The following UBTF variants were observed in gnomAD, a reference collection of about 807,000 sequenced individuals.
The protein encoded by UBTF is nucleolar transcription factor 1.
Under a neutral mutation model 112.3 loss-of-function variants are expected in UBTF, and 8 were observed. The ratio of observed to expected loss-of-function variants is 0.07; its 90% CI spans 0.04 to 0.13. The LOEUF is 0.13. Ranked by LOEUF, UBTF falls within the 10% of genes least tolerant of loss-of-function variation. The probability of loss-of-function intolerance (pLI) is 1.00; values close to 1 mark genes in which losing one functional copy is unlikely to be tolerated. For missense variants in UBTF, 457 were observed against 982.1 expected, an observed-to-expected ratio of 0.47 and a Z score of 7.15; for synonymous variants, 417 against 373.1, an observed-to-expected ratio of 1.12 and a Z score of -1.36.
intron 1 of UBTF, 60 bp downstream of exon 1, chr17:44,219,385 G>A (rs1567812894): frequency 2.0e-5 from 3 of 151,496 alleles, no homozygotes; most frequent in Admixed American, 2.0e-4. Context: ...ACCGCACCCC[G>A]CGGTTCGCTC....
rs781698378 is a variant in UBTF at position 44,210,387 on chromosome 17, G to A, written c.1446C>T (p.Pro482=). The A allele has an allele frequency of 3.5e-5, 56 of 1,614,058 alleles. No homozygotes were observed. The Admixed American group carries it at 3.8e-4, about 11-fold the overall frequency. Residue 482 remains proline, a synonymous_variant, in exon 14 of 21, where the codon CCC becomes CCT. Transcript: ENST00000436088. ...TCTCCTCAGCTCTTTTGGGGGACTC[G>A]GGCAGCTTGCCCCGTTCCTCGCGCT... ...GGEREERGKL[P]ESPKRAEEIW...
At position 44,207,116 on chromosome 17, in the gene UBTF, A is replaced by G; in HGVS notation, c.*126T>C. The G allele has an allele frequency of 6.9e-6, 6 of 872,708 alleles. No homozygotes were observed. Among genetic ancestry groups the G allele is most frequent in the Non-Finnish European group, 1.0e-5 (6 of 598,546 alleles). 54.1% of individuals were successfully genotyped at this position (872,708 alleles called of 1,614,324 possible). A position where few individuals can be genotyped will look rare whatever the true frequency, so the allele number is the denominator to read the frequency against. On this transcript the variant is annotated 3_prime_UTR_variant, in exon 21 of 21. Coordinates refer to ENST00000436088, the MANE Select transcript of UBTF (RefSeq NM_014233.4). Reference sequence around the variant, plus strand: ...CCCCACCGTATTTTTTTTTTTTTTTAAAGAAAGAAAGAAAGTGGGGGAGGC... The same window carrying G: ...CCCCACCGTATTTTTTTTTTTTTTTGAAGAAAGAAAGAAAGTGGGGGAGGC...
In UBTF at chr17:44,207,773, G is replaced by T. The variant is rs2056353285; in HGVS notation, c.1954-3C>A. On this transcript the variant is annotated splice_region_variant and splice_polypyrimidine_tract_variant and intron_variant, in intron 18 of 20. Transcript: ENST00000436088. ...AGCTTGGTCATGCTCTTACGTTTCTGCAGGATGGGGACACAAAGGTGGCAG... is the reference window on the plus strand; with the variant it reads ...AGCTTGGTCATGCTCTTACGTTTCTTCAGGATGGGGACACAAAGGTGGCAG... The T allele has an allele frequency of 6.2e-7, 1 of 1,614,168 alleles. No individual in the cohort carries two copies. Among genetic ancestry groups the T allele is most frequent in the Non-Finnish European group, 8.5e-7 (1 of 1,180,036 alleles).
At position 44,213,203 on chromosome 17, in the gene UBTF, G is replaced by C; in HGVS notation, c.539+15C>G. On this transcript the variant is annotated intron_variant, in intron 6 of 20. Transcript: ENST00000436088. ...CCAGTGCCCCGTGGCCCTCCTCTGG[G>C]CTCCACTGCCTTACCTGAATCGGGC... 6.2e-7 allele frequency: 1 copy of C among 1,612,352 alleles called. No homozygotes were observed. The highest frequency in any genetic ancestry group is 8.5e-7 in the Non-Finnish European group (1 of 1,179,038).
chr17:44,211,965 G>A lies in UBTF; in HGVS notation c.813C>T (p.Asn271=), dbSNP rs772875900. The change falls in exon 9 of 21, where the codon AAC becomes AAT. Residue 271 remains asparagine (N), a synonymous_variant. Coordinates refer to ENST00000436088, the MANE Select transcript of UBTF (RefSeq NM_014233.4). This position sits in a 1 kb window ranked among gnomAD's most constrained non-coding sequence, Gnocchi z 4.9. The part of the protein sequence containing the change: ...RDYIQKHPEL[N]ISEEGITKST... ...ACTTGGTGATACCCTCCTCACTGAT[G>A]TTCAGCTCTGGGTGCTTCTGGATAT... The A allele has an allele frequency of 7.4e-6, 12 of 1,613,822 alleles. No individual in the cohort carries two copies. In the South Asian group the frequency reaches 7.7e-5, roughly 10 times the overall value.
intron 3 of UBTF, chr17:44,216,256 C>T (rs1567806509): frequency 3.3e-6 from 2 of 603,662 alleles, no homozygotes; most frequent in Admixed American, 3.0e-5. Context: ...ATGCTAACAC[C>T]TCCGTCAATC....
In UBTF at chr17:44,207,133, G is replaced by A; in HGVS notation, c.*109C>T. ...TTTTTTTTAAAGAAAGAAAGAAAGT[G>A]GGGGAGGCCAGGGGGGCAAGGGACA... is the stretch of plus-strand genomic sequence containing the variant. On this transcript the variant is annotated 3_prime_UTR_variant, in exon 21 of 21. Transcript: ENST00000436088. 1.6e-6 allele frequency: 2 copies of A among 1,219,798 alleles called. No individual in the cohort carries two copies. The highest frequency in any genetic ancestry group is 2.3e-6 in the Non-Finnish European group (2 of 875,164). The allele number at this position is 1,219,798 out of a possible 1,614,324, so 75.6% of individuals were successfully genotyped here.
Position 44,215,924 on chromosome 17 carries a change from G to A in UBTF, c.300C>T (p.Tyr100=), listed in dbSNP as rs1219244767. ...AACTCACCTTGAGTTTTTTGCCTTT[G>A]TAAGGATTTTTAACATGTTCCTGAG... is the stretch of plus-strand genomic sequence containing the variant. ...LDAQEHVKNP[Y]KGKKLKKHPD... The change falls in exon 4 of 21, where the codon TAC becomes TAT. Residue 100 remains tyrosine, a synonymous_variant. Transcript: ENST00000436088. 2 of 1,613,878 alleles carry A rather than the reference G, an allele frequency of 1.2e-6. No homozygotes were observed. Among genetic ancestry groups the A allele is most frequent in the Non-Finnish European group, 8.5e-7 (1 of 1,180,000 alleles).
At chr17:44,215,414 G>A (rs2046800338) in intron 5 of UBTF, 1 of 534,838 alleles carries the variant, frequency 1.9e-6, no homozygotes, top group East Asian at 3.2e-5. Flanking sequence ...GTTTTCTGTA[G>A]GGGGAAAGGT....
chr17:44,211,393 C>T lies in UBTF; in HGVS notation c.1048-62G>A. 1 of 1,606,904 alleles carries T rather than the reference C, an allele frequency of 6.2e-7. No homozygotes were observed. Among genetic ancestry groups the T allele is most frequent in the Non-Finnish European group, 8.5e-7 (1 of 1,175,186 alleles). On this transcript the variant is annotated intron_variant, in intron 10 of 20. Coordinates refer to ENST00000436088, the MANE Select transcript of UBTF (RefSeq NM_014233.4). The surrounding 1 kb of genome is among the most constrained non-coding windows in gnomAD (Gnocchi z 4.9). ...CAGTGTCACCACAGACCCTGCAGTA[C>T]TCGGAGGACAGTGACCTTCAGCGGG...
upstream of UBTF, chr17:44,220,596 C>T (rs1312930524): frequency 6.6e-6 from 1 of 152,270 alleles, no homozygotes; most frequent in East Asian, 1.9e-4. Flanking sequence ...GAACGACGGG[C>T]TCCGGCGGAG....
rs1048532756 is a variant in UBTF at position 44,209,225 on chromosome 17, T to G, written c.1905+127A>C. ...GATAGTGACCGTTATCCTGAAGGATTGCGAGGGCATGGAATGAAATCATGA... is the reference window on the plus strand; with the variant it reads ...GATAGTGACCGTTATCCTGAAGGATGGCGAGGGCATGGAATGAAATCATGA... On this transcript the variant is annotated intron_variant, in intron 17 of 20. Transcript: ENST00000436088. 15 of 956,846 alleles carry G rather than the reference T, an allele frequency of 1.6e-5. 1 individual carries two copies. The East Asian group carries it at 4.1e-4, about 26-fold the overall frequency. 59.3% of individuals were successfully genotyped at this position (956,846 alleles called of 1,614,324 possible).
At chr17:44,218,083 T>A in intron 2 of UBTF, 89 bp downstream of exon 2, 1 of 1,340,016 alleles carries the variant, frequency 7.5e-7, no homozygotes. Context: ...GTATGCAGAC[T>A]GAAAAAGCCC....
rs34864025 is a variant in UBTF at position 44,211,970 on chromosome 17, G to A, written c.808C>T (p.Leu270=). The change falls in exon 9 of 21, where the codon CTG becomes TTG. Residue 270 remains leucine, a synonymous_variant. Transcript: ENST00000436088. The surrounding 1 kb of genome is among the most constrained non-coding windows in gnomAD (Gnocchi z 4.9). ...GTGATACCCTCCTCACTGATGTTCA[G>A]CTCTGGGTGCTTCTGGATATAGTCT... ...MRDYIQKHPE[L]NISEEGITKS... is the part of the protein sequence containing the mutation. 1.5e-5 allele frequency: 25 copies of A among 1,613,868 alleles called. No homozygotes were observed. In the African/African-American group the frequency reaches 2.1e-4, roughly 14 times the overall value.
At chr17:44,212,654 C>T (rs1032773862) in intron 7 of UBTF, among the ~76,000 whole-genome samples, 165 bp downstream of exon 7, 1 of 152,154 alleles carries the variant, frequency 6.6e-6, no homozygotes. Flanking sequence ...CACGCACACA[C>T]GCACACGCTT....
At position 44,215,995 on chromosome 17, in the gene UBTF, G is replaced by C. The variant is rs779413943; in HGVS notation, c.235-6C>G. 1 of 1,612,824 alleles carries C rather than the reference G, an allele frequency of 6.2e-7. No homozygotes were observed. The highest frequency in any genetic ancestry group is 8.5e-7 in the Non-Finnish European group (1 of 1,178,866). ...AATGTACGGAACTTCCTCACCTGGAGGAAGAGGGGTGGGAGGAAGGGGAAG... is the reference window on the plus strand; with the variant it reads ...AATGTACGGAACTTCCTCACCTGGACGAAGAGGGGTGGGAGGAAGGGGAAG... On this transcript the variant is annotated splice_polypyrimidine_tract_variant and splice_region_variant and intron_variant, in intron 3 of 20. Coordinates refer to ENST00000436088, the MANE Select transcript of UBTF (RefSeq NM_014233.4).
chr17:44,218,570 T>A, intron 1 of UBTF: 9 of 125,750 alleles, frequency 7.2e-5, no homozygotes, highest in Middle Eastern at 2.9e-3. Flanking sequence ...GCGCCCGCCC[T>A]CCGCCCCGCT....
At chr17:44,218,320 A>T in intron 1 of UBTF, 24 bp from the exon 2 acceptor site, 1 of 1,422,224 alleles carries the variant, frequency 7.0e-7, no homozygotes, top group Non-Finnish European at 9.8e-7. Context: ...ACCAGTTCCC[A>T]CTCAGGAAGG....
At chr17:44,215,072 G>A (rs993598174) in intron 5 of UBTF, among the ~76,000 whole-genome samples, 2 of 150,956 alleles carry the variant, frequency 1.3e-5, no homozygotes, top group Non-Finnish European at 2.9e-5. Flanking sequence ...AGGCCAGGAG[G>A]GACAATGTGT....
Sources: gnomAD v4.1 joint callset for allele counts (sites outside exome capture counted in the v4.1 genomes callset) on GRCh38, gnomAD v4.1.1 for gene constraint, Gnocchi (gnomAD v3.1) non-coding constraint, MANE v1.5 for transcripts, NCBI Gene and HGNC (gene_info 2026-07-23, HGNC 2026-07-21) for gene names.